FGF12: variants seen among roughly 807,000 people sequenced by gnomAD.
FGF12 encodes fibroblast growth factor 12B.
FGF12 carries 14 observed loss-of-function variants against 23.6 expected under a neutral mutation model. The ratio of observed to expected loss-of-function variants is 0.59; its 90% confidence interval spans 0.39 to 0.93. FGF12 has a LOEUF of 0.93. FGF12 is among the 40% of genes least tolerant of loss of function. The pLI, the probability that FGF12 is intolerant of heterozygous loss-of-function variation, is 0.00. For missense variants in FGF12, 175 were observed against 217.8 expected (o/e 0.80, Z 1.24); for synonymous variants, 62 against 77.3 (o/e 0.80, Z 1.04).
intron 2 of FGF12, among the ~76,000 whole-genome samples, chr3:192,561,187 CA>C (rs1712004541): frequency 6.6e-6 from 1 of 151,964 alleles, no homozygotes; most frequent in African/African-American, 2.4e-5. Flanking sequence ...GCTATATACA[CA>C]AACACACATT....
chr3:192,170,234 T>C (rs894821071), intron 5 of FGF12, among the ~76,000 whole-genome samples: 3 of 145,338 alleles, frequency 2.1e-5, no homozygotes, highest in Admixed American at 1.4e-4. Flanking sequence ...GAGCCGAGAC[T>C]GAGCCATTGC....
chr3:192,470,196 T>C (rs1316843258), intron 2 of FGF12, among the ~76,000 whole-genome samples: 1 of 152,182 alleles, frequency 6.6e-6, no homozygotes, highest in Non-Finnish European at 1.5e-5. Flanking sequence ...TTTTTACTCA[T>C]ATTAAATTTA....
chr3:192,447,465 T>G (rs1243943592), intron 2 of FGF12, among the ~76,000 whole-genome samples: 1 of 152,166 alleles, frequency 6.6e-6, no homozygotes. Flanking sequence ...CTGAAAAAAC[T>G]TAGTGAAGTA....
At chr3:192,389,769 G>C (rs574477523) in intron 2 of FGF12, among the ~76,000 whole-genome samples, 1 of 152,274 alleles carries the variant, frequency 6.6e-6, no homozygotes, top group East Asian at 1.9e-4. Flanking sequence ...ACTACAGTTA[G>C]ACTAGATGAT....
Position 192,352,928 on chromosome 3 carries a change from A to T in FGF12, c.124+7500T>A, listed in dbSNP as rs553018800. 2.6e-5 allele frequency among the ~76,000 whole-genome samples: 4 copies of T among 152,270 alleles called. No individual in the cohort carries two copies. In the East Asian group the frequency reaches 7.7e-4, roughly 29 times the overall value. Reference sequence around the variant, plus strand: ...GAGACTATCACACAGGGATTTGCAAACTGATGATTTCCTGCCTGCTGGTAA... The same window carrying T: ...GAGACTATCACACAGGGATTTGCAATCTGATGATTTCCTGCCTGCTGGTAA... On this transcript the variant is annotated intron_variant, in intron 3 of 5. Coordinates refer to ENST00000445105, the MANE Select transcript of FGF12 (RefSeq NM_004113.6).
chr3:192,493,680 A>C (rs2108827843), intron 2 of FGF12, among the ~76,000 whole-genome samples: 1 of 152,246 alleles, frequency 6.6e-6, no homozygotes, highest in African/African-American at 2.4e-5. Flanking sequence ...AGGGGGAGCA[A>C]GTAATTCACA....
At chr3:192,406,916 C>T (rs2108775048) in intron 2 of FGF12, among the ~76,000 whole-genome samples, 1 of 152,330 alleles carries the variant, frequency 6.6e-6, no homozygotes. Context: ...AACTAGCCAA[C>T]AGATTACAGG....
At chr3:192,709,822 TA>T (rs1297762420) in intron 2 of FGF12, among the ~76,000 whole-genome samples, 48 of 152,318 alleles carry the variant, frequency 3.2e-4, no homozygotes, top group African/African-American at 1.1e-3. Flanking sequence ...TTAATATCTT[TA>T]TGATGGCATT....
intron 2 of FGF12, among the ~76,000 whole-genome samples, chr3:192,453,317 C>T (rs1722581511): frequency 6.6e-6 from 1 of 151,892 alleles, no homozygotes; most frequent in Admixed American, 6.6e-5. Context: ...ATCTTTTGTT[C>T]CTTCTATATC....
At chr3:192,423,633 T>G (rs987495836) in intron 2 of FGF12, among the ~76,000 whole-genome samples, 4 of 152,134 alleles carry the variant, frequency 2.6e-5, no homozygotes, top group Admixed American at 6.6e-5. Flanking sequence ...TTTTAAAGAT[T>G]ATGAAATTGA....
At chr3:192,378,080 T>TTCTTTCTGTCTTTCTTTCTG (rs1553805090) in intron 2 of FGF12, among the ~76,000 whole-genome samples, 2 of 105,810 alleles carry the variant, frequency 1.9e-5, no homozygotes, top group African/African-American at 3.8e-5. Context: ...CTTTCTTTCT[T>TTCTTTCTGTCTTTCTTTCTG]TCTTTCTTTC....
chr3:192,595,284 A>G (rs1313985348), intron 2 of FGF12, among the ~76,000 whole-genome samples: 1 of 152,200 alleles, frequency 6.6e-6, no homozygotes, highest in Non-Finnish European at 1.5e-5. Flanking sequence ...GGAAAATTAT[A>G]TTTGGACCTG....
chr3:192,708,108 T>C (rs561472498), intron 2 of FGF12, among the ~76,000 whole-genome samples: 151 of 152,184 alleles, frequency 9.9e-4, no homozygotes, highest in African/African-American at 1.6e-3. Context: ...TACAGGCGCC[T>C]GCCACCACAC....
intron 2 of FGF12, among the ~76,000 whole-genome samples, chr3:192,452,400 G>A (rs1025448010): frequency 4.9e-5 from 7 of 144,130 alleles, no homozygotes; most frequent in South Asian, 2.1e-4. Context: ...TAATGGATTT[G>A]ATTTGTCAGT....
intron 2 of FGF12, among the ~76,000 whole-genome samples, chr3:192,463,712 C>T (rs1722927706): frequency 6.6e-6 from 1 of 152,126 alleles, no homozygotes; most frequent in Non-Finnish European, 1.5e-5. Context: ...CTAGGCATGA[C>T]AGGGAATCAT....
chr3:192,570,240 GC>G (rs954724259), intron 2 of FGF12, among the ~76,000 whole-genome samples: 4 of 152,130 alleles, frequency 2.6e-5, no homozygotes, highest in Non-Finnish European at 5.9e-5. Flanking sequence ...GGGGGGGAGG[GC>G]CATAGGTGGT....
chr3:192,724,456 T>C (rs1021262211), intron 2 of FGF12, among the ~76,000 whole-genome samples: 1 of 152,190 alleles, frequency 6.6e-6, no homozygotes, highest in Non-Finnish European at 1.5e-5. Flanking sequence ...TGTCAGGTGA[T>C]TCTAGTGTGC....
At chr3:192,387,968 AACATAC>A (rs1459487178) in intron 2 of FGF12, among the ~76,000 whole-genome samples, 1 of 152,192 alleles carries the variant, frequency 6.6e-6, no homozygotes, top group Non-Finnish European at 1.5e-5. Flanking sequence ...TATATAATTG[AACATAC>A]ATAAGGCCGG....
At position 192,620,871 on chromosome 3, in the gene FGF12, G is replaced by A. The variant is rs115694245; in HGVS notation, c.13+106310C>T. ...CAGCTCACAAAGGAGACCTGGGCTCGAGCTCAGTAAGCTTAGGTTCTAGGT... is the reference window on the plus strand; with the variant it reads ...CAGCTCACAAAGGAGACCTGGGCTCAAGCTCAGTAAGCTTAGGTTCTAGGT... On this transcript the variant is annotated intron_variant, in intron 2 of 5. Coordinates refer to ENST00000445105, the MANE Select transcript of FGF12 (RefSeq NM_004113.6). 2.2e-3 allele frequency among the ~76,000 whole-genome samples: 338 copies of A among 152,186 alleles called. 4 individuals are homozygous for A. The highest frequency in any genetic ancestry group is 7.9e-3 in the African/African-American group (327 of 41,522).
Sources: allele counts gnomAD v4.1 joint callset (sites outside exome capture counted in the v4.1 genomes callset), GRCh38; gene constraint gnomAD v4.1.1; transcripts MANE v1.5; gene names NCBI Gene and HGNC (gene_info 2026-07-23, HGNC 2026-07-21).